Variants in KCNH1 observed in about 807,000 individuals in gnomAD.
KCNH1 encodes the protein voltage-gated delayed rectifier potassium channel KCNH1.
In KCNH1, 27 loss-of-function variants were observed where a neutral mutation model predicts 69.2. The ratio of observed to expected loss-of-function variants is 0.39; its 90% CI spans 0.29 to 0.54. The LOEUF (loss-of-function observed/expected upper bound fraction) is 0.54. Among genes scored for constraint, KCNH1 ranks in the 20% least tolerant of loss-of-function variants. The pLI is 0.68. For missense variants in KCNH1, 798 were observed against 1,261.6 expected (o/e 0.63, Z 5.57); for synonymous variants, 456 against 487.7 (o/e 0.93, Z 0.86).
At chr1:211,045,041 G>GATATATATATATAT (rs71134652) in intron 5 of KCNH1, among the ~76,000 whole-genome samples, 1,825 of 81,632 alleles carry the variant, frequency 0.022, 194 homozygotes, top group Admixed American at 0.04. Context: ...AATTGTGGGG[G>GATATATATATATAT]ATATATATAT....
At chr1:210,810,077 C>A (rs563648278) in intron 7 of KCNH1, among the ~76,000 whole-genome samples, 1 of 152,190 alleles carries the variant, frequency 6.6e-6, no homozygotes, top group East Asian at 1.9e-4. Flanking sequence ...CCCTTTCTCT[C>A]TTTTTTATGA....
intron 10 of KCNH1, among the ~76,000 whole-genome samples, chr1:210,733,694 T>TG (rs1030621544): frequency 1.3e-5 from 2 of 151,848 alleles, no homozygotes; most frequent in African/African-American, 4.8e-5. Flanking sequence ...CTGACTTTGG[T>TG]GGGGAAGGGA....
chr1:210,744,438 G>C (rs987257266), intron 10 of KCNH1, among the ~76,000 whole-genome samples: 3 of 152,278 alleles, frequency 2.0e-5, no homozygotes, highest in East Asian at 1.9e-4. Flanking sequence ...GAGGTCAGGA[G>C]TTCAAGACTA....
At chr1:211,029,191 G>T (rs929706415) in intron 5 of KCNH1, among the ~76,000 whole-genome samples, 5 of 146,658 alleles carry the variant, frequency 3.4e-5, no homozygotes, top group African/African-American at 1.3e-4. Context: ...AAAAAGGTCA[G>T]GGGTGGTGGT....
chr1:210,733,310 T>C (rs912461235), intron 10 of KCNH1, among the ~76,000 whole-genome samples: 2 of 152,128 alleles, frequency 1.3e-5, no homozygotes, highest in African/African-American at 2.4e-5. Context: ...GCATAGAAAT[T>C]TGGGTAATGG....
intron 6 of KCNH1, among the ~76,000 whole-genome samples, chr1:210,964,744 C>T (rs1468999505): frequency 6.6e-6 from 1 of 152,164 alleles, no homozygotes; most frequent in African/African-American, 2.4e-5. Context: ...ATCCCTAACT[C>T]ATTTTATGAG....
At chr1:211,075,729 T>C (rs1690720117) in intron 5 of KCNH1, among the ~76,000 whole-genome samples, 1 of 152,110 alleles carries the variant, frequency 6.6e-6, no homozygotes, top group Non-Finnish European at 1.5e-5. Flanking sequence ...TTGGGACTAG[T>C]TGGACAGTGG....
intron 5 of KCNH1, among the ~76,000 whole-genome samples, chr1:211,071,446 C>T (rs1690640855): frequency 6.6e-6 from 1 of 152,192 alleles, no homozygotes; most frequent in African/African-American, 2.4e-5. Context: ...AGCGTCACAA[C>T]ATTTAAGTGG....
intron 6 of KCNH1, among the ~76,000 whole-genome samples, chr1:210,987,043 A>G (rs972835712): frequency 2.6e-5 from 4 of 152,210 alleles, no homozygotes; most frequent in Admixed American, 6.5e-5. Flanking sequence ...TTCATCTTCC[A>G]TCACTGATAC....
At chr1:210,890,153 G>T (rs990061648) in intron 7 of KCNH1, among the ~76,000 whole-genome samples, 3 of 152,080 alleles carry the variant, frequency 2.0e-5, no homozygotes, top group African/African-American at 7.2e-5. Flanking sequence ...ATACTACAAG[G>T]CTACAGTAAC....
chr1:210,709,722 AAG>A (rs71831798), intron 10 of KCNH1, among the ~76,000 whole-genome samples: 236 of 100,046 alleles, frequency 2.4e-3, no homozygotes, highest in South Asian at 0.014. Flanking sequence ...AGAAAGAAAG[AAG>A]AGAGAGAGAG....
chr1:210,755,945 CAAGTT>C (rs1408212781), intron 10 of KCNH1, among the ~76,000 whole-genome samples: 1 of 152,182 alleles, frequency 6.6e-6, no homozygotes, highest in Non-Finnish European at 1.5e-5. Context: ...TTTATGAAAT[CAAGTT>C]TAATCACATT....
chr1:210,834,603 G>A lies in KCNH1; in HGVS notation c.1463-30437C>T, dbSNP rs534263983. Among the ~76,000 whole-genome samples the A allele has an allele frequency of 2.0e-5, 3 of 150,124 alleles. No individual in the cohort carries two copies. In the East Asian group the frequency reaches 5.9e-4, roughly 30 times the overall value. On this transcript the variant is annotated intron_variant, in intron 7 of 10. Coordinates refer to ENST00000271751, the MANE Select transcript of KCNH1 (RefSeq NM_172362.3). ...AATGCTAGATGACGAGTTAGTGGGT[G>A]AAGTGCACCAGCATGTCACATGTAT...
chr1:210,888,242 G>A (rs1686662393), intron 7 of KCNH1, among the ~76,000 whole-genome samples: 1 of 152,106 alleles, frequency 6.6e-6, no homozygotes, highest in Non-Finnish European at 1.5e-5. Flanking sequence ...TTAGAACTCA[G>A]GATTAAGAAA....
rs73067467 is a variant in KCNH1, at chr1:210,717,252, C to T, written c.2113-33114G>A. 2.0e-3 allele frequency among the ~76,000 whole-genome samples: 298 copies of T among 152,298 alleles called. 1 individual carries two copies. Among genetic ancestry groups the T allele is most frequent in the African/African-American group, 7.0e-3 (289 of 41,560 alleles). ...AGGAGATCCCATTTCTGGCCTAGGG[C>T]TGAAAGCATATAACTGACTGGCAGT... On this transcript the variant is annotated intron_variant, in intron 10 of 10. Coordinates refer to ENST00000271751, the MANE Select transcript of KCNH1 (RefSeq NM_172362.3).
intron 3 of KCNH1, among the ~76,000 whole-genome samples, chr1:211,100,642 C>T (rs1019849654): frequency 9.2e-5 from 14 of 152,228 alleles, no homozygotes; most frequent in African/African-American, 3.4e-4. Context: ...TGAGCCACTG[C>T]ACCCGGCCCC....
intron 10 of KCNH1, among the ~76,000 whole-genome samples, chr1:210,724,820 G>T (rs898182419): frequency 3.9e-5 from 6 of 152,100 alleles, no homozygotes; most frequent in Non-Finnish European, 5.9e-5. Flanking sequence ...GATGCGTCCT[G>T]CTGCCAATTC....
chr1:211,057,792 A>G (rs1690341042), intron 5 of KCNH1, among the ~76,000 whole-genome samples: 1 of 152,206 alleles, frequency 6.6e-6, no homozygotes, highest in Non-Finnish European at 1.5e-5. Flanking sequence ...TCCGAAAAAA[A>G]AAGTTTATTA....
chr1:210,997,606 G>A (rs2102396292), intron 6 of KCNH1, among the ~76,000 whole-genome samples: 1 of 152,290 alleles, frequency 6.6e-6, no homozygotes, highest in South Asian at 2.1e-4. Flanking sequence ...TTATCCAGGA[G>A]AACTTCCCCA....
Sources: gnomAD v4.1 joint callset for allele counts (sites outside exome capture counted in the v4.1 genomes callset) on GRCh38, gnomAD v4.1.1 for gene constraint, MANE v1.5 for transcripts, NCBI Gene and HGNC (gene_info 2026-07-23, HGNC 2026-07-21) for gene names.